The following ADAM18 variants were observed in gnomAD, a reference collection of about 807,000 sequenced individuals.
The protein encoded by ADAM18 is ADAM metallopeptidase domain 18.
Under a neutral mutation model 94.4 loss-of-function variants are expected in ADAM18, and 117 were observed. That is an observed-to-expected ratio of 1.24 (90% CI 1.07 to 1.45). ADAM18 has a LOEUF of 1.45. Among genes scored for constraint, ADAM18 ranks in the 40% most tolerant of loss-of-function variants. The pLI, the probability that ADAM18 is intolerant of heterozygous loss-of-function variation, is 0.00. For synonymous variants in ADAM18, 327 were observed against 291.6 expected, an observed-to-expected ratio of 1.12 and a Z score of -1.24; for missense variants, 936 against 880.0, an observed-to-expected ratio of 1.06 and a Z score of -0.81.
rs571283418 is a variant in ADAM18 at position 39,594,092 on chromosome 8, C to T, written c.132+8740C>T. 9.9e-4 allele frequency among the ~76,000 whole-genome samples: 151 copies of T among 152,150 alleles called. 1 individual carries two copies. The highest frequency in any genetic ancestry group is 3.5e-3 in the African/African-American group (147 of 41,528). On this transcript the variant is annotated intron_variant, in intron 2 of 19. Coordinates refer to ENST00000265707, the MANE Select transcript of ADAM18 (RefSeq NM_014237.3). ...GCTTATGTATAAATTACCAGAATAA[C>T]ATAGTTTTTTGCTGTGGGGTTGGTT... is the stretch of plus-strand genomic sequence containing the variant.
Position 39,584,881 on chromosome 8 carries a change from A to C in ADAM18, c.55+204A>C, listed in dbSNP as rs531876505. Among the ~76,000 whole-genome samples, 10 of 152,158 alleles carry C rather than the reference A, an allele frequency of 6.6e-5. No individual in the cohort carries two copies. The East Asian group carries it at 1.8e-3, about 27-fold the overall frequency. ...AGCGGAGGACCTGTTAGCGCTCTGC[A>C]TCAGCGCCCATGGTCTCAGTGGCCC... is the stretch of plus-strand genomic sequence containing the variant. On this transcript the variant is annotated intron_variant, in intron 1 of 19. Coordinates refer to ENST00000265707, the MANE Select transcript of ADAM18 (RefSeq NM_014237.3).
intron 18 of ADAM18, among the ~76,000 whole-genome samples, chr8:39,715,941 G>A (rs531282924): frequency 1.1e-4 from 17 of 152,050 alleles, no homozygotes; most frequent in African/African-American, 4.1e-4. Context: ...TAACTCATTC[G>A]ATAATGCCAG....
chr8:39,595,485 GTATT>G (rs1026783238), intron 2 of ADAM18, among the ~76,000 whole-genome samples: 10 of 152,014 alleles, frequency 6.6e-5, no homozygotes, highest in Admixed American at 1.3e-4. Context: ...TTTTAAATAT[GTATT>G]TATTTGTTTA....
intron 18 of ADAM18, among the ~76,000 whole-genome samples, chr8:39,714,670 TTGA>T (rs1157965766): frequency 6.6e-6 from 1 of 151,846 alleles, no homozygotes. Context: ...TCTATAAGAG[TTGA>T]CTAGTCTAAC....
chr8:39,621,495 A>G (rs1469114587), intron 6 of ADAM18, among the ~76,000 whole-genome samples: 2 of 151,962 alleles, frequency 1.3e-5, no homozygotes, highest in East Asian at 3.9e-4. Flanking sequence ...AAAATATGGA[A>G]AATAAAAATA....
rs140704434 is a variant in ADAM18, at chr8:39,719,412, G to A, written c.2018-4336G>A. On this transcript the variant is annotated intron_variant, in intron 18 of 19. Transcript: ENST00000265707. ...GAAATCCTCAGGGACTTTGAGCGCA[G>A]ATTTTGTAGATATGACACCAAAAAT... Among the ~76,000 whole-genome samples, 108 of 151,406 alleles carry A rather than the reference G, an allele frequency of 7.1e-4. 1 individual carries two copies. Among genetic ancestry groups the A allele is most frequent in the African/African-American group, 2.2e-3 (93 of 41,458 alleles).
intron 17 of ADAM18, among the ~76,000 whole-genome samples, chr8:39,703,786 G>GA (rs1822153648): frequency 6.6e-6 from 1 of 151,446 alleles, no homozygotes; most frequent in Admixed American, 6.6e-5. Context: ...TTTATTTTTT[G>GA]AAAAAATTAT....
rs1821332255 is a variant in ADAM18 at position 39,677,539 on chromosome 8, A to G, written c.1631+3A>G. On this transcript the variant is annotated splice_donor_region_variant and intron_variant, in intron 15 of 19. Coordinates refer to ENST00000265707, the MANE Select transcript of ADAM18 (RefSeq NM_014237.3). ...CAACCATTACCTTGTGAACGGAAGT[A>G]CGTATGTAGAAAATGATTGCTTCTT... 3 of 1,576,328 alleles carry G rather than the reference A, an allele frequency of 1.9e-6. No homozygotes were observed. The East Asian group carries it at 6.8e-5, about 36-fold the overall frequency.
chr8:39,614,521 G>A (rs968795273), intron 6 of ADAM18, among the ~76,000 whole-genome samples: 9 of 152,018 alleles, frequency 5.9e-5, no homozygotes, highest in East Asian at 1.9e-4. Flanking sequence ...AGAACACTAA[G>A]TACATAGACA....
chr8:39,710,834 T>G (rs565655202), intron 18 of ADAM18, among the ~76,000 whole-genome samples: 12 of 152,266 alleles, frequency 7.9e-5, no homozygotes, highest in African/African-American at 2.9e-4. Context: ...AACTAGGAAT[T>G]TAACAAGGAA....
chr8:39,713,683 T>A (rs979731018), intron 18 of ADAM18, among the ~76,000 whole-genome samples: 71 of 152,096 alleles, frequency 4.7e-4, no homozygotes, highest in African/African-American at 1.6e-3. Context: ...AAAAAACACA[T>A]GAAAAAATGC....
intron 2 of ADAM18, among the ~76,000 whole-genome samples, chr8:39,598,985 AT>A (rs1452256442): frequency 1.3e-5 from 2 of 151,712 alleles, no homozygotes; most frequent in Non-Finnish European, 2.9e-5. Flanking sequence ...CTAATGTTGT[AT>A]TTTTAGTGGA....
intron 18 of ADAM18, among the ~76,000 whole-genome samples, chr8:39,711,344 C>G (rs1190905894): frequency 6.6e-6 from 1 of 152,070 alleles, no homozygotes; most frequent in Non-Finnish European, 1.5e-5. Context: ...TTTTCAACAA[C>G]AATGAAAATT....
At chr8:39,644,928 A>G (rs897972546) in intron 10 of ADAM18, among the ~76,000 whole-genome samples, 4 of 152,200 alleles carry the variant, frequency 2.6e-5, no homozygotes, top group Admixed American at 6.6e-5. Flanking sequence ...TATAAGCTAT[A>G]GATGTGAACA....
chr8:39,714,672 G>A (rs1358551773), intron 18 of ADAM18, among the ~76,000 whole-genome samples: 1 of 152,030 alleles, frequency 6.6e-6, no homozygotes, highest in African/African-American at 2.4e-5. Context: ...TATAAGAGTT[G>A]ACTAGTCTAA....
intron 2 of ADAM18, among the ~76,000 whole-genome samples, chr8:39,589,066 G>T (rs1161816674): frequency 6.6e-6 from 1 of 152,090 alleles, no homozygotes; most frequent in East Asian, 1.9e-4. Flanking sequence ...TTTTTGGCTT[G>T]GGAGGGCTTA....
At chr8:39,601,700 C>A (rs182652225) in intron 2 of ADAM18, among the ~76,000 whole-genome samples, 142 of 152,092 alleles carry the variant, frequency 9.3e-4, no homozygotes, top group African/African-American at 2.9e-3. Context: ...ATAAAATATA[C>A]CACTGTAACT....
chr8:39,617,343 C>T (rs1458733211), intron 6 of ADAM18, among the ~76,000 whole-genome samples: 2 of 152,056 alleles, frequency 1.3e-5, no homozygotes, highest in East Asian at 3.9e-4. Context: ...GAAAAAGTTA[C>T]AGATACTCAC....
At chr8:39,729,799 T>C (rs1823022947) in intron 19 of ADAM18, 99 bp from the exon 20 acceptor site, 1 of 918,500 alleles carries the variant, frequency 1.1e-6, no homozygotes, top group Non-Finnish European at 1.7e-6. Context: ...TTAGCAATTA[T>C]AAAGTAGAAA....
Sources: gnomAD v4.1 joint callset for allele counts (sites outside exome capture counted in the v4.1 genomes callset) on GRCh38, gnomAD v4.1.1 for gene constraint, MANE v1.5 for transcripts, NCBI Gene and HGNC (gene_info 2026-07-23, HGNC 2026-07-21) for gene names.